The following C8orf34 variants were observed in gnomAD, a reference collection of about 807,000 sequenced individuals.
C8orf34 encodes uncharacterized protein C8orf34.
In C8orf34, 65 loss-of-function variants were observed where a neutral mutation model predicts 68.3. That is an observed-to-expected ratio of 0.95 (90% CI 0.78 to 1.17). The LOEUF is 1.17. Ranked by LOEUF, C8orf34 falls within the 50% of genes most tolerant of loss-of-function variation. The probability of loss-of-function intolerance (pLI) is 0.00; values close to 1 mark genes in which losing one functional copy is unlikely to be tolerated. For synonymous variants in C8orf34, 244 were observed against 241.2 expected (o/e 1.01, Z -0.11); for missense variants, 664 against 655.4 (o/e 1.01, Z -0.14).
At chr8:68,577,350 A>G (rs1266734653) in intron 7 of C8orf34, among the ~76,000 whole-genome samples, 1 of 150,760 alleles carries the variant, frequency 6.6e-6, no homozygotes, top group Non-Finnish European at 1.5e-5. Flanking sequence ...ATCATAAGGG[A>G]GAGAGAGGAA....
At chr8:68,816,297 C>A (rs1270853659) in intron 13 of C8orf34, among the ~76,000 whole-genome samples, 1 of 152,062 alleles carries the variant, frequency 6.6e-6, no homozygotes, top group Non-Finnish European at 1.5e-5. Context: ...AAAACATATT[C>A]TCCCACATGC....
upstream of C8orf34, chr8:68,330,766 A>C: frequency 2.5e-6 from 1 of 393,420 alleles, no homozygotes; most frequent in Non-Finnish European, 4.5e-6. Flanking sequence ...CACCGGGGAA[A>C]GGAGGTACAC....
intron 7 of C8orf34, among the ~76,000 whole-genome samples, chr8:68,574,104 A>G (rs116666797): frequency 1.3e-5 from 2 of 152,056 alleles, no homozygotes; most frequent in African/African-American, 4.8e-5. Flanking sequence ...AAACTATCAT[A>G]TGTTATGAAT....
intron 10 of C8orf34, among the ~76,000 whole-genome samples, chr8:68,754,944 T>A (rs1219573633): frequency 6.6e-6 from 1 of 152,184 alleles, no homozygotes; most frequent in Non-Finnish European, 1.5e-5. Flanking sequence ...GTAAATAGTA[T>A]ACTTATATAT....
chr8:68,370,801 T>A (rs561727326), intron 1 of C8orf34, among the ~76,000 whole-genome samples: 2 of 152,314 alleles, frequency 1.3e-5, no homozygotes, highest in Admixed American at 6.5e-5. Flanking sequence ...TCCAGCTCAA[T>A]ATAATGTTAT....
intron 10 of C8orf34, among the ~76,000 whole-genome samples, chr8:68,747,364 A>C (rs1394672919): frequency 6.6e-6 from 1 of 150,800 alleles, no homozygotes; most frequent in Non-Finnish European, 1.5e-5. Flanking sequence ...TATTCAACAT[A>C]GTGTTGGAAG....
chr8:68,550,974 G>A (rs558847823), intron 7 of C8orf34, among the ~76,000 whole-genome samples: 1 of 150,940 alleles, frequency 6.6e-6, no homozygotes, highest in East Asian at 1.9e-4. Flanking sequence ...TTTGCACATA[G>A]TATGCCTAGG....
chr8:68,500,666 A>G (rs1020842520), intron 5 of C8orf34, among the ~76,000 whole-genome samples: 2 of 152,148 alleles, frequency 1.3e-5, no homozygotes, highest in African/African-American at 4.8e-5. Flanking sequence ...CCCTCAACAC[A>G]CACACACAGA....
chr8:68,389,070 T>C lies in C8orf34; in HGVS notation c.328-50429T>C, dbSNP rs140938224. ...ATTCAGTGAATTGAAGCTTTATTAT[T>C]GCTAGTAGGGTCTGGCATTCGTATT... On this transcript the variant is annotated intron_variant, in intron 1 of 13. Coordinates refer to ENST00000518698, the MANE Select transcript of C8orf34 (RefSeq NM_052958.4). 6.6e-3 allele frequency among the ~76,000 whole-genome samples: 1,006 copies of C among 152,302 alleles called. 10 individuals are homozygous for C. Among genetic ancestry groups the C allele is most frequent in the Non-Finnish European group, 0.01 (713 of 68,006 alleles).
intron 3 of C8orf34, among the ~76,000 whole-genome samples, chr8:68,462,352 A>G (rs1811877778): frequency 6.6e-6 from 1 of 152,218 alleles, no homozygotes; most frequent in Admixed American, 6.5e-5. Context: ...GGAGAATCTA[A>G]TACCCCACTG....
chr8:68,405,569 T>G (rs1212432927), intron 1 of C8orf34, among the ~76,000 whole-genome samples: 1 of 152,076 alleles, frequency 6.6e-6, no homozygotes, highest in Non-Finnish European at 1.5e-5. Flanking sequence ...GTCCAGGGAG[T>G]ATCCACTTAT....
At chr8:68,335,122 A>G (rs551853854) in intron 1 of C8orf34, among the ~76,000 whole-genome samples, 1 of 152,200 alleles carries the variant, frequency 6.6e-6, no homozygotes. Context: ...GTTATTTAAT[A>G]CATGAAAAGA....
At chr8:68,743,006 G>A (rs771393365) in intron 10 of C8orf34, among the ~76,000 whole-genome samples, 13 of 151,994 alleles carry the variant, frequency 8.6e-5, no homozygotes, top group South Asian at 6.2e-4. Context: ...AAATTTTGAC[G>A]TTAACCAATA....
intron 1 of C8orf34, among the ~76,000 whole-genome samples, chr8:68,429,182 C>T (rs1304437024): frequency 6.6e-6 from 1 of 151,950 alleles, no homozygotes; most frequent in Non-Finnish European, 1.5e-5. Flanking sequence ...CCAAAATACA[C>T]AAAGAACTTC....
chr8:68,680,005 C>T (rs1820318776), intron 8 of C8orf34, among the ~76,000 whole-genome samples: 1 of 152,148 alleles, frequency 6.6e-6, no homozygotes, highest in African/African-American at 2.4e-5. Context: ...CTCCAGGACA[C>T]TGGACTGGGC....
At chr8:68,437,664 T>C (rs1810721320) in intron 1 of C8orf34, among the ~76,000 whole-genome samples, 1 of 152,160 alleles carries the variant, frequency 6.6e-6, no homozygotes, top group South Asian at 2.1e-4. Context: ...AATTGAAATA[T>C]TAAATAGCAC....
At chr8:68,537,810 C>A (rs1815541129) in intron 7 of C8orf34, among the ~76,000 whole-genome samples, 1 of 151,774 alleles carries the variant, frequency 6.6e-6, no homozygotes, top group African/African-American at 2.4e-5. Context: ...TTTTTTTCAG[C>A]AAAATATCAA....
chr8:68,426,450 C>T (rs985249620), intron 1 of C8orf34, among the ~76,000 whole-genome samples: 3 of 126,490 alleles, frequency 2.4e-5, no homozygotes, highest in South Asian at 2.8e-4. Flanking sequence ...ACCTAGGAGG[C>T]GGAGGTTGTA....
At chr8:68,518,269 A>G (rs1004221629) in intron 5 of C8orf34, among the ~76,000 whole-genome samples, 1 of 152,198 alleles carries the variant, frequency 6.6e-6, no homozygotes, top group Non-Finnish European at 1.5e-5. Flanking sequence ...AATCCAGTCC[A>G]TGTTGAGCTT....
Sources: allele counts gnomAD v4.1 joint callset (sites outside exome capture counted in the v4.1 genomes callset), GRCh38; gene constraint gnomAD v4.1.1; transcripts MANE v1.5; gene names NCBI Gene and HGNC (gene_info 2026-07-23, HGNC 2026-07-21).